IGSF9: variants seen among roughly 807,000 people sequenced by gnomAD.
The protein encoded by IGSF9 is immunoglobulin superfamily member 9.
Under a neutral mutation model 121.7 loss-of-function variants are expected in IGSF9, and 87 were observed. The observed-to-expected ratio is 0.71, with a 90% CI of 0.60 to 0.85. The LOEUF is 0.85. IGSF9 is among the 40% of genes least tolerant of loss of function. The pLI is 0.00. For synonymous variants in IGSF9, 640 were observed against 648.4 expected (o/e 0.99, Z 0.20); for missense variants, 1,462 against 1,565.3 (o/e 0.93, Z 1.11).
Position 159,927,887 on chromosome 1 carries a change from CCTGT to C in IGSF9, c.3231-4_3231-1del. The C allele has an allele frequency of 6.8e-7, 1 of 1,475,726 alleles. No homozygotes were observed. Among genetic ancestry groups the C allele is most frequent in the Admixed American group, 2.3e-5 (1 of 43,810 alleles). 91.4% of individuals were successfully genotyped at this position (1,475,726 alleles called of 1,614,324 possible). On this transcript the variant is annotated splice_acceptor_variant and splice_polypyrimidine_tract_variant and intron_variant, in intron 19 of 20. Transcript: ENST00000368094. LOFTEE classifies it high-confidence loss of function. ...AGTTCTCGTCCACAGATGTGTTCCT[CCTGT>C]AAAAAAAAAAAAAAAGACAAACATA...
intron 2 of IGSF9, 22 bp downstream of exon 2, chr1:159,943,375 T>TG: frequency 6.4e-7 from 1 of 1,551,958 alleles, no homozygotes; most frequent in Non-Finnish European, 8.7e-7. Context: ...AGGGCATTCT[T>TG]GAGCCCAAGA....
chr1:159,941,600 A>G (rs951396791), intron 3 of IGSF9, among the ~76,000 whole-genome samples: 1 of 152,258 alleles, frequency 6.6e-6, no homozygotes, highest in Non-Finnish European at 1.5e-5. Flanking sequence ...ACCTCAAGGC[A>G]GGACACAAGC....
rs1374765741 is a variant in IGSF9, at chr1:159,930,131, GAGA to G, written c.2064+55_2064+57del. On this transcript the variant is annotated intron_variant, in intron 15 of 20. Coordinates refer to ENST00000368094, the MANE Select transcript of IGSF9 (RefSeq NM_001135050.2). ...ATGAGAAGATAGAGTTTGGGGAATG[GAGA>G]AGGACGCAGGAGAGCCCCTAGGAGG... The G allele has an allele frequency of 2.6e-6, 4 of 1,557,538 alleles. No individual in the cohort carries two copies. In the African/African-American group the frequency reaches 5.4e-5, roughly 21 times the overall value.
rs1226454956 is a variant in IGSF9, at chr1:159,929,980, G to A, written c.2065-5C>T. The A allele has an allele frequency of 1.3e-6, 2 of 1,591,290 alleles. No individual in the cohort carries two copies. The highest frequency in any genetic ancestry group is 1.8e-5 in the Admixed American group (1 of 56,336). Reference sequence around the variant, plus strand: ...GCGGAACTCGTAGAGAACATCCTGCGATGGGGATGGGGTACCAGGAGGGAG... The same window carrying A: ...GCGGAACTCGTAGAGAACATCCTGCAATGGGGATGGGGTACCAGGAGGGAG... On this transcript the variant is annotated splice_polypyrimidine_tract_variant and splice_region_variant and intron_variant, in intron 15 of 20. Transcript: ENST00000368094.
At position 159,931,025 on chromosome 1, in the gene IGSF9, G is replaced by T; in HGVS notation, c.1637+113C>A. 6.6e-7 allele frequency: 1 copy of T among 1,510,704 alleles called. No homozygotes were observed. Among genetic ancestry groups the T allele is most frequent in the Non-Finnish European group, 9.0e-7 (1 of 1,108,524 alleles). The allele number at this position is 1,510,704 out of a possible 1,614,324, so 93.6% of individuals were successfully genotyped here. The stretch of plus-strand genomic sequence containing the variant: ...ATCTGGAAACAGGGAAGCAGAGCCA[G>T]GACTGGTGAGGGATAGAGGGACAGA... On this transcript the variant is annotated intron_variant, in intron 13 of 20. Coordinates refer to ENST00000368094, the MANE Select transcript of IGSF9 (RefSeq NM_001135050.2). The surrounding 1 kb of genome is among the most constrained non-coding windows in gnomAD (Gnocchi z 4.8).
At chr1:159,927,964 C>T (rs80070763) in intron 19 of IGSF9, 77 bp from the exon 20 acceptor site, 82,181 of 1,545,546 alleles carry the variant, frequency 0.053, 4,550 homozygotes, top group African/African-American at 0.29. Flanking sequence ...CTGAATTCAG[C>T]GACCGCAAAC....
chr1:159,942,114 G>A (rs547205480), intron 3 of IGSF9, among the ~76,000 whole-genome samples: 8 of 152,304 alleles, frequency 5.3e-5, no homozygotes, highest in Admixed American at 1.3e-4. Flanking sequence ...ACTCTCTCTC[G>A]CCCCATAGCC....
In IGSF9 at chr1:159,929,951, C is replaced by A. The variant is rs1245702945; in HGVS notation, c.2089G>T (p.Val697Leu). The A allele has an allele frequency of 6.3e-7, 1 of 1,584,546 alleles. No individual in the cohort carries two copies. Among genetic ancestry groups the A allele is most frequent in the Non-Finnish European group, 8.6e-7 (1 of 1,166,210 alleles). ...CTGACGAAGCTGCCCGCGAAGGCCA[C>A]GAGGCGGAACTCGTAGAGAACATCC... is the stretch of plus-strand genomic sequence containing the variant. ...IKDVLYEFRL[V>L]AFAGSFVSDP... Residue 697 changes from valine (V) to leucine (L), a missense_variant, in exon 16 of 21, where the codon GTG (valine) becomes TTG (leucine). This residue lies in a region of IGSF9 where 808 missense variants were observed against 815.2 expected (regional missense o/e 0.99). Coordinates refer to ENST00000368094, the MANE Select transcript of IGSF9 (RefSeq NM_001135050.2).
rs1557933185 is a variant in IGSF9, at chr1:159,932,366, C to G, written c.1245+146G>C. 1 of 841,564 alleles carries G rather than the reference C, an allele frequency of 1.2e-6. No individual in the cohort carries two copies. Among genetic ancestry groups the G allele is most frequent in the Non-Finnish European group, 1.8e-6 (1 of 540,602 alleles). 52.1% of individuals were successfully genotyped at this position (841,564 alleles called of 1,614,324 possible). A position where few individuals can be genotyped will look rare whatever the true frequency, so the allele number is the denominator to read the frequency against. ...AAACCTCTGGGATGGCATCAGGCAG[C>G]TGCTGCCGTGGCCACCATGGGAAAC... On this transcript the variant is annotated intron_variant, in intron 10 of 20. Transcript: ENST00000368094. The surrounding 1 kb of genome is among the most constrained non-coding windows in gnomAD (Gnocchi z 4.1).
In IGSF9 at chr1:159,928,794, CT is replaced by C; in HGVS notation, c.2593del (p.Arg865GlyfsTer63). On this transcript the variant is annotated frameshift_variant, in exon 19 of 21. Transcript: ENST00000368094. LOFTEE classifies it high-confidence loss of function. ...MGPTVAAPQE[R>X]SGREQAEPRT... is the part of the protein sequence containing the mutation. ...AGGTTCTGCCTGCTCCCGGCCTGAC[CT>C]TTCCTGGGGGGCCGCCACAGTGGGC... is the stretch of plus-strand genomic sequence containing the variant. 1 of 1,487,304 alleles carries C rather than the reference CT, an allele frequency of 6.7e-7. No individual in the cohort carries two copies. Among genetic ancestry groups the C allele is most frequent in the South Asian group, 1.4e-5 (1 of 73,728 alleles). The allele number at this position is 1,487,304 out of a possible 1,614,324, so 92.1% of individuals were successfully genotyped here.
intron 6 of IGSF9, among the ~76,000 whole-genome samples, chr1:159,935,957 G>C (rs1012814532): frequency 6.6e-6 from 1 of 152,162 alleles, no homozygotes; most frequent in Non-Finnish European, 1.5e-5. Flanking sequence ...CTCTATGAAG[G>C]CACAGTCCAG....
In IGSF9 at chr1:159,932,704, C is replaced by A; in HGVS notation, c.1105-52G>T. ...GAGAGAGGAGCTCAGCAGAGACAAG[C>A]CCGGGATGGCAGTACAAGAGAGGGG... On this transcript the variant is annotated intron_variant, in intron 9 of 20. Coordinates refer to ENST00000368094, the MANE Select transcript of IGSF9 (RefSeq NM_001135050.2). This position sits in a 1 kb window ranked among gnomAD's most constrained non-coding sequence, Gnocchi z 4.1. 1 of 1,553,636 alleles carries A rather than the reference C, an allele frequency of 6.4e-7. No individual in the cohort carries two copies. The highest frequency in any genetic ancestry group is 1.2e-5 in the South Asian group (1 of 83,092).
intron 3 of IGSF9, among the ~76,000 whole-genome samples, chr1:159,939,456 C>T (rs971740169): frequency 1.3e-5 from 2 of 152,076 alleles, no homozygotes; most frequent in Non-Finnish European, 2.9e-5. Context: ...AAACTCATGG[C>T]CTCAAGGGAT....
At chr1:159,937,098 C>T (rs1651217820) in intron 4 of IGSF9, among the ~76,000 whole-genome samples, 190 bp from the exon 5 acceptor site, 1 of 152,204 alleles carries the variant, frequency 6.6e-6, no homozygotes, top group Non-Finnish European at 1.5e-5. Flanking sequence ...CAACCCACCC[C>T]CACACACTGG....
In IGSF9 at chr1:159,928,890, G is replaced by C; in HGVS notation, c.2498C>G (p.Pro833Arg). ...PAGTPSPHPD[P>R]PSSRGPLPLE... ...AGGTAAGGGTCCCCGGCTAGATGGA[G>C]GATCCGGGTGGGGGCTGGGAGTTCC... Residue 833 changes from proline to arginine, a missense_variant, in exon 19 of 21, where the codon CCT (proline) becomes CGT (arginine). Transcript: ENST00000368094. The C allele has an allele frequency of 6.3e-7, 1 of 1,595,166 alleles. No homozygotes were observed. The highest frequency in any genetic ancestry group is 8.5e-7 in the Non-Finnish European group (1 of 1,171,416).
intron 1 of IGSF9, among the ~76,000 whole-genome samples, 156 bp downstream of exon 1, chr1:159,945,417 C>T (rs1412181503): frequency 2.0e-5 from 3 of 152,092 alleles, no homozygotes; most frequent in Non-Finnish European, 2.9e-5. Flanking sequence ...TCCCACCCAC[C>T]CGCCAAGAAT....
chr1:159,928,432 C>T lies in IGSF9; in HGVS notation c.2956G>A (p.Val986Ile), dbSNP rs541003995. Reference protein sequence around the residue: ...SPRESLPGAVVGAGATAEPPY... With the variant: ...SPRESLPGAVIGAGATAEPPY... Reference sequence around the variant, plus strand: ...GGCTCTGCAGTGGCCCCAGCCCCTACCACAGCCCCAGGAAGTGATTCCCTG... The same window carrying T: ...GGCTCTGCAGTGGCCCCAGCCCCTATCACAGCCCCAGGAAGTGATTCCCTG... Residue 986 changes from valine (V) to isoleucine (I), a missense_variant, in exon 19 of 21, where the codon GTA (valine) becomes ATA (isoleucine). By Grantham distance (29) the Val-to-Ile change is conservative. Coordinates refer to ENST00000368094, the MANE Select transcript of IGSF9 (RefSeq NM_001135050.2). 1.2e-6 allele frequency: 2 copies of T among 1,603,306 alleles called. No individual in the cohort carries two copies. The highest frequency in any genetic ancestry group is 2.2e-5 in the East Asian group (1 of 44,544).
In IGSF9 at chr1:159,930,217, G is replaced by A; in HGVS notation, c.2036C>T (p.Thr679Ile). Reference sequence around the variant, plus strand: ...GATGAGGCCTGGCACCAGCAGCTCTGTTTCTGTGCCTGCCACAGCCGGGTC... The same window carrying A: ...GATGAGGCCTGGCACCAGCAGCTCTATTTCTGTGCCTGCCACAGCCGGGTC... ...VLDPAVAGTE[T>I]ELLVPGLIKD... Residue 679 changes from threonine to isoleucine, a missense_variant, in exon 15 of 21, where the codon ACA (threonine) becomes ATA (isoleucine). Thr to Ile is a moderately conservative substitution (Grantham distance 89). This residue lies in a region of IGSF9 where 808 missense variants were observed against 815.2 expected (regional missense o/e 0.99). Coordinates refer to ENST00000368094, the MANE Select transcript of IGSF9 (RefSeq NM_001135050.2). 6.2e-7 allele frequency: 1 copy of A among 1,612,464 alleles called. No homozygotes were observed. The highest frequency in any genetic ancestry group is 8.5e-7 in the Non-Finnish European group (1 of 1,179,198).
chr1:159,934,447 G>C lies in IGSF9; in HGVS notation c.939C>G (p.Ala313=). Residue 313 remains alanine (A), a synonymous_variant, in exon 8 of 21, where the codon GCC becomes GCG. Coordinates refer to ENST00000368094, the MANE Select transcript of IGSF9 (RefSeq NM_001135050.2). The part of the protein sequence containing the change: ...PSNGLLHPPS[A]SAYLTVLYPA... Reference sequence around the variant, plus strand: ...TACAGAGCACAGTGAGGTAGGCAGAGGCTGAGGGTGGATGCAGGAGGCCAT... The same window carrying C: ...TACAGAGCACAGTGAGGTAGGCAGACGCTGAGGGTGGATGCAGGAGGCCAT... 1 of 1,591,876 alleles carries C rather than the reference G, an allele frequency of 6.3e-7. No individual in the cohort carries two copies. Among genetic ancestry groups the C allele is most frequent in the Admixed American group, 1.8e-5 (1 of 56,564 alleles).
Sources: gnomAD v4.1 joint callset for allele counts (sites outside exome capture counted in the v4.1 genomes callset) on GRCh38, gnomAD v4.1.1 for gene constraint, gnomAD v4.1.1 regional missense constraint, Gnocchi (gnomAD v3.1) non-coding constraint, MANE v1.5 for transcripts, NCBI Gene and HGNC (gene_info 2026-07-23, HGNC 2026-07-21) for gene names.